AGFG2: variants seen among roughly 807,000 people sequenced by gnomAD.
AGFG2 encodes ArfGAP with FG repeats 2.
In AGFG2, 31 loss-of-function variants were observed where a neutral mutation model predicts 48.0. That is an observed-to-expected ratio of 0.65 (90% CI 0.49 to 0.87). AGFG2 has a LOEUF of 0.87. Ranked by LOEUF, AGFG2 falls within the 40% of genes least tolerant of loss-of-function variation. The pLI is 0.00. For missense variants in AGFG2, 599 were observed against 632.6 expected (o/e 0.95, Z 0.57); for synonymous variants, 229 against 260.8 (o/e 0.88, Z 1.18).
intron 2 of AGFG2, among the ~76,000 whole-genome samples, chr7:100,549,908 T>G (rs1800593102): frequency 6.6e-6 from 1 of 152,152 alleles, no homozygotes; most frequent in Non-Finnish European, 1.5e-5. Flanking sequence ...CCCAGACTGC[T>G]CTTGAACTCC....
At chr7:100,554,043 T>C (rs764627681) in intron 4 of AGFG2, 50 bp from the exon 5 acceptor site, 46 of 1,572,844 alleles carry the variant, frequency 2.9e-5, no homozygotes, top group Non-Finnish European at 4.0e-5. Context: ...GAGGAGGGCC[T>C]GGGGCATGTC....
Position 100,562,132 on chromosome 7 carries a change from A to G in AGFG2, c.878-127A>G. On this transcript the variant is annotated intron_variant, in intron 6 of 11. Transcript: ENST00000300176. This position sits in a 1 kb window ranked among gnomAD's most constrained non-coding sequence, Gnocchi z 5.4. ...TCCCTGAGAAAATGGGCTGCCTCAG[A>G]GAACCCAGCAGGCACCTGTCATGCC... 1 of 1,314,056 alleles carries G rather than the reference A, an allele frequency of 7.6e-7. No homozygotes were observed. Among genetic ancestry groups the G allele is most frequent in the Admixed American group, 2.1e-5 (1 of 48,418 alleles). The allele number at this position is 1,314,056 out of a possible 1,614,324, so 81.4% of individuals were successfully genotyped here. A position where few individuals can be genotyped will look rare whatever the true frequency, so the allele number is the denominator to read the frequency against.
At chr7:100,556,315 AAAAC>A (rs1210666704) in intron 6 of AGFG2, 14 of 203,486 alleles carry the variant, frequency 6.9e-5, no homozygotes, top group African/African-American at 2.3e-4. Flanking sequence ...ACCCCATCTC[AAAAC>A]AAACGAACGA....
intron 6 of AGFG2, chr7:100,556,497 G>A (rs536972092): frequency 2.0e-5 from 22 of 1,092,900 alleles, no homozygotes; most frequent in South Asian, 1.9e-4. Context: ...TGCAGTGCTC[G>A]CCGTCAGGCT....
chr7:100,551,030 T>TTATATATATACATA (rs1800621828), intron 3 of AGFG2, among the ~76,000 whole-genome samples: 1 of 56,030 alleles, frequency 1.8e-5, no homozygotes, highest in Non-Finnish European at 2.8e-5. Flanking sequence ...CCTGGCTAAT[T>TTATATATATACATA]TATATATATA....
In AGFG2 at chr7:100,553,560, T is replaced by G. The variant is rs543006146; in HGVS notation, c.585+60T>G. ...AGATTTGGGAGACAGGAGTGTCAGT[T>G]TCCTGAATCAGATTCCCCGGACTTA... On this transcript the variant is annotated intron_variant, in intron 4 of 11. Coordinates refer to ENST00000300176, the MANE Select transcript of AGFG2 (RefSeq NM_006076.5). The G allele has an allele frequency of 1.5e-4, 235 of 1,546,928 alleles. 2 individuals are homozygous for G. In the African/African-American group the frequency reaches 3.1e-3, roughly 20 times the overall value.
chr7:100,552,283 A>G lies in AGFG2; in HGVS notation c.432-1064A>G, dbSNP rs143839128. Among the ~76,000 whole-genome samples, 9 of 152,278 alleles carry G rather than the reference A, an allele frequency of 5.9e-5. No individual in the cohort carries two copies. In the East Asian group the frequency reaches 1.5e-3, roughly 26 times the overall value. ...TAATACAAATAAAAAGCAATACAAT[A>G]TAGCAACTATTGCATGGCATTTACA... On this transcript the variant is annotated intron_variant, in intron 3 of 11. Transcript: ENST00000300176.
intron 6 of AGFG2, chr7:100,556,574 T>G (rs1800763304): frequency 7.8e-7 from 1 of 1,288,924 alleles, no homozygotes; most frequent in Non-Finnish European, 1.0e-6. Flanking sequence ...CACCCTTCTC[T>G]TCTCCACCCT....
At chr7:100,542,719 G>A (rs1198633624) in intron 1 of AGFG2, among the ~76,000 whole-genome samples, 1 of 152,112 alleles carries the variant, frequency 6.6e-6, no homozygotes, top group Non-Finnish European at 1.5e-5. Flanking sequence ...TGGCTCCATG[G>A]TGGCACGGAG....
rs1402684308 is a variant in AGFG2, at chr7:100,562,260, G to A, written c.879G>A (p.Gly293=). Residue 293 remains glycine (G), a splice_region_variant and synonymous_variant, in exon 7 of 12, where the codon GGG becomes GGA. Transcript: ENST00000300176. This position sits in a 1 kb window ranked among gnomAD's most constrained non-coding sequence, Gnocchi z 5.4. ...GTTGTATTTTCCACAACTGCCCAGG[G>A]AGCAGCCAGGGGACTCCATTTGGTG... ...ASFQAQPTPA[G]SSQGTPFGAT... is the part of the protein sequence containing the mutation. 6.2e-7 allele frequency: 1 copy of A among 1,613,464 alleles called. No individual in the cohort carries two copies. Among genetic ancestry groups the A allele is most frequent in the Admixed American group, 1.7e-5 (1 of 59,982 alleles).
Position 100,562,504 on chromosome 7 carries a change from C to T in AGFG2, c.999-90C>T. 6.2e-7 allele frequency: 1 copy of T among 1,603,622 alleles called. No individual in the cohort carries two copies. Among genetic ancestry groups the T allele is most frequent in the Non-Finnish European group, 8.5e-7 (1 of 1,173,932 alleles). ...CCTCCCCTCCTCTCCCTTACTCACC[C>T]TGGAGAGCAGGGTTGGCATCTCCTG... On this transcript the variant is annotated intron_variant, in intron 7 of 11. Transcript: ENST00000300176. This position sits in a 1 kb window ranked among gnomAD's most constrained non-coding sequence, Gnocchi z 5.4.
At position 100,565,360 on chromosome 7, in the gene AGFG2, G is replaced by A; in HGVS notation, c.*369G>A. On this transcript the variant is annotated 3_prime_UTR_variant, in exon 12 of 12. Coordinates refer to ENST00000300176, the MANE Select transcript of AGFG2 (RefSeq NM_006076.5). Reference sequence around the variant, plus strand: ...GACGGGAGCGCAGTGGGGAAGGTAGGGGAAAGATGAGGCACAGTGTTGATG... The same window carrying A: ...GACGGGAGCGCAGTGGGGAAGGTAGAGGAAAGATGAGGCACAGTGTTGATG... 1 of 273,430 alleles carries A rather than the reference G, an allele frequency of 3.7e-6. No individual in the cohort carries two copies. Among genetic ancestry groups the A allele is most frequent in the Non-Finnish European group, 7.1e-6 (1 of 141,020 alleles). 16.9% of individuals were successfully genotyped at this position (273,430 alleles called of 1,614,324 possible).
intron 3 of AGFG2, among the ~76,000 whole-genome samples, 176 bp downstream of exon 3, chr7:100,550,687 C>T (rs1160010303): frequency 3.3e-5 from 5 of 152,048 alleles, no homozygotes; most frequent in African/African-American, 9.7e-5. Flanking sequence ...AACTTGTTCT[C>T]AGTCACTAAC....
intron 2 of AGFG2, among the ~76,000 whole-genome samples, chr7:100,549,839 C>T (rs1241303776): frequency 2.0e-5 from 3 of 152,130 alleles, no homozygotes; most frequent in African/African-American, 7.2e-5. Flanking sequence ...ACTATAGGCA[C>T]ATGCCACCAT....
intron 3 of AGFG2, among the ~76,000 whole-genome samples, chr7:100,553,113 A>C (rs12216707): frequency 0.064 from 9,735 of 152,086 alleles, 316 homozygotes; most frequent in Middle Eastern, 0.078. Flanking sequence ...ACATTGCCCC[A>C]CTGCACTCCA....
At chr7:100,563,740 A>G in intron 9 of AGFG2, 94 bp from the exon 10 acceptor site, 4 of 1,555,524 alleles carry the variant, frequency 2.6e-6, no homozygotes, top group South Asian at 2.3e-5. Context: ...AAAAAACTAT[A>G]TCCCATTTTC....
In AGFG2 at chr7:100,563,896, G is replaced by T; in HGVS notation, c.1234G>T (p.Ala412Ser). ...CCCCCAGGCAGTGCCACCCACTGGG[G>T]CCTTTGCCAGCTCCTTCCCAGCACC... ...GFPQAVPPTG[A>S]FASSFPAPLF... The change falls in exon 10 of 12, where the codon GCC becomes TCC. Residue 412 changes from alanine to serine, a missense_variant. Transcript: ENST00000300176. 1.2e-6 allele frequency: 2 copies of T among 1,610,234 alleles called. No homozygotes were observed. The highest frequency in any genetic ancestry group is 8.5e-7 in the Non-Finnish European group (1 of 1,180,016).
At position 100,564,310 on chromosome 7, in the gene AGFG2, G is replaced by A. The variant is rs1800958196; in HGVS notation, c.1386+7G>A. On this transcript the variant is annotated splice_region_variant and intron_variant, in intron 11 of 11. Coordinates refer to ENST00000300176, the MANE Select transcript of AGFG2 (RefSeq NM_006076.5). ...CTCCACCAACCCCTTCATGGTGAGT[G>A]TGCCAGCAGGGGTGCTGTGGTAGGG... The A allele has an allele frequency of 6.2e-7, 1 of 1,611,828 alleles. No individual in the cohort carries two copies. Among genetic ancestry groups the A allele is most frequent in the Non-Finnish European group, 8.5e-7 (1 of 1,179,000 alleles).
chr7:100,550,365 T>C, intron 2 of AGFG2, 31 bp from the exon 3 acceptor site: 1 of 1,217,150 alleles, frequency 8.2e-7, no homozygotes, highest in Non-Finnish European at 1.2e-6. Context: ...TGCTTTCTGC[T>C]CCCACTCCTC....
Sources: gnomAD v4.1 joint callset for allele counts (sites outside exome capture counted in the v4.1 genomes callset) on GRCh38, gnomAD v4.1.1 for gene constraint, Gnocchi (gnomAD v3.1) non-coding constraint, MANE v1.5 for transcripts, NCBI Gene and HGNC (gene_info 2026-07-23, HGNC 2026-07-21) for gene names.